GALNT18: variants seen among roughly 807,000 people sequenced by gnomAD.
GALNT18 encodes the protein GalNAc-transferase 18.
A neutral mutation model predicts 69.5 loss-of-function variants in GALNT18; 44 were observed. The ratio of observed to expected loss-of-function variants is 0.63; its 90% CI spans 0.50 to 0.81. The LOEUF is 0.81. Among genes scored for constraint, GALNT18 ranks in the 40% least tolerant of loss-of-function variants. GALNT18 has a pLI of 0.00. For synonymous variants in GALNT18, 364 were observed against 318.2 expected (o/e 1.14, Z -1.53); for missense variants, 715 against 810.0 (o/e 0.88, Z 1.42).
At chr11:11,361,295 C>T (rs1486686668) in intron 6 of GALNT18, among the ~76,000 whole-genome samples, 1 of 152,184 alleles carries the variant, frequency 6.6e-6, no homozygotes, top group Middle Eastern at 3.2e-3. Flanking sequence ...GGGTTCAAAT[C>T]GCATCTTTAC....
rs1328365070 is a variant in GALNT18 at position 11,421,332 on chromosome 11, G to A, written c.595+11289C>T. Reference sequence around the variant, plus strand: ...CCACAAAGAGGCGGGTGACTCAAGAGCTGATATACTTAGGCATCACTAAGG... The same window carrying A: ...CCACAAAGAGGCGGGTGACTCAAGAACTGATATACTTAGGCATCACTAAGG... On this transcript the variant is annotated intron_variant, in intron 3 of 10. Transcript: ENST00000227756. The surrounding 1 kb of genome is among the most constrained non-coding windows in gnomAD (Gnocchi z 5.6). 6.6e-6 allele frequency among the ~76,000 whole-genome samples: 1 copy of A among 152,156 alleles called. No homozygotes were observed. The highest frequency in any genetic ancestry group is 2.4e-5 in the African/African-American group (1 of 41,436).
chr11:11,499,268 C>T (rs1856927467), intron 1 of GALNT18, among the ~76,000 whole-genome samples: 1 of 152,238 alleles, frequency 6.6e-6, no homozygotes, highest in African/African-American at 2.4e-5. Context: ...TCAGTATTTC[C>T]ATCAGCTGGC....
chr11:11,608,148 C>T (rs191107141), intron 1 of GALNT18, among the ~76,000 whole-genome samples: 24 of 152,236 alleles, frequency 1.6e-4, no homozygotes, highest in Non-Finnish European at 2.5e-4. Flanking sequence ...GCTTGACTTA[C>T]GTGGGAAAGT....
rs372013357 is a variant in GALNT18 at position 11,430,009 on chromosome 11, A to C, written c.595+2612T>G. ...ACAAAACATTAGCCCGGCATGGTGG[A>C]TGCACCTGTCGTCCCAGCTACTCGG... is the stretch of plus-strand genomic sequence containing the variant. On this transcript the variant is annotated intron_variant, in intron 3 of 10. Transcript: ENST00000227756. The surrounding 1 kb of genome is among the most constrained non-coding windows in gnomAD (Gnocchi z 4.9). 5.9e-5 allele frequency among the ~76,000 whole-genome samples: 9 copies of C among 152,098 alleles called. No homozygotes were observed. The East Asian group carries it at 1.7e-3, about 30-fold the overall frequency.
At position 11,595,153 on chromosome 11, in the gene GALNT18, A is replaced by T. The variant is rs1196261050; in HGVS notation, c.235+26206T>A. On this transcript the variant is annotated intron_variant, in intron 1 of 10. Coordinates refer to ENST00000227756, the MANE Select transcript of GALNT18 (RefSeq NM_198516.3). The surrounding 1 kb of genome is among the most constrained non-coding windows in gnomAD (Gnocchi z 5.2). ...TGATGGTACCATTTTATATTTTGCT[A>T]TGATCTGAATGTTTATTTTGCCCCA... Among the ~76,000 whole-genome samples the T allele has an allele frequency of 2.6e-5, 4 of 152,022 alleles. No individual in the cohort carries two copies. Among genetic ancestry groups the T allele is most frequent in the African/African-American group, 7.3e-5 (3 of 41,374 alleles).
In GALNT18 at chr11:11,505,273, T is replaced by C. The variant is rs1288264418; in HGVS notation, c.236-56337A>G. 2.0e-5 allele frequency among the ~76,000 whole-genome samples: 3 copies of C among 152,226 alleles called. No homozygotes were observed. Among genetic ancestry groups the C allele is most frequent in the African/African-American group, 7.2e-5 (3 of 41,448 alleles). ...CTGCTATGATTAGTCATGGATTGGT[T>C]GTGAGATATTATGAATATCAACCTT... On this transcript the variant is annotated intron_variant, in intron 1 of 10. Coordinates refer to ENST00000227756, the MANE Select transcript of GALNT18 (RefSeq NM_198516.3). The surrounding 1 kb of genome is among the most constrained non-coding windows in gnomAD (Gnocchi z 4.6).
intron 1 of GALNT18, among the ~76,000 whole-genome samples, chr11:11,578,344 A>AAAAAAAAAAAAAAAC (rs1446256060): frequency 6.6e-6 from 1 of 151,588 alleles, no homozygotes; most frequent in African/African-American, 2.4e-5. Context: ...AAAAAAAAAA[A>AAAAAAAAAAAAAAAC]AAAACTCAAT....
chr11:11,427,320 C>CTGCCCTGTTCCTT (rs1291273102), intron 3 of GALNT18, among the ~76,000 whole-genome samples: 1 of 152,212 alleles, frequency 6.6e-6, no homozygotes. Flanking sequence ...CAGTGATTGA[C>CTGCCCTGTTCCTT]TGCCCTGTTC....
Position 11,444,718 on chromosome 11 carries a change from A to C in GALNT18, c.428+4026T>G, listed in dbSNP as rs1855608217. Among the ~76,000 whole-genome samples, 1 of 152,198 alleles carries C rather than the reference A, an allele frequency of 6.6e-6. No individual in the cohort carries two copies. The highest frequency in any genetic ancestry group is 6.5e-5 in the Admixed American group (1 of 15,280). ...AGAAAGGAGGGTGGGCAGGATTCTG[A>C]ACACTCACTTTCTGATCTAGGAATG... On this transcript the variant is annotated intron_variant, in intron 2 of 10. Transcript: ENST00000227756. This position sits in a 1 kb window ranked among gnomAD's most constrained non-coding sequence, Gnocchi z 4.4.
At chr11:11,392,958 C>A (rs1181759475) in intron 3 of GALNT18, among the ~76,000 whole-genome samples, 1 of 152,192 alleles carries the variant, frequency 6.6e-6, no homozygotes, top group Non-Finnish European at 1.5e-5. Flanking sequence ...CATCTTTCCT[C>A]CTAAAGGTCC....
At chr11:11,464,623 A>G (rs1306280658) in intron 1 of GALNT18, among the ~76,000 whole-genome samples, 2 of 152,216 alleles carry the variant, frequency 1.3e-5, no homozygotes, top group East Asian at 3.8e-4. Flanking sequence ...AAAGTCCATG[A>G]ATTTGGCATT....
rs550367088 is a variant in GALNT18, at chr11:11,582,452, G to C, written c.235+38907C>G. On this transcript the variant is annotated intron_variant, in intron 1 of 10. Transcript: ENST00000227756. This position sits in a 1 kb window ranked among gnomAD's most constrained non-coding sequence, Gnocchi z 5.0. ...CATCCCACAGTGACAATGAGTGACTGTCTCACTTGCTTGGACCACTGGAAT... is the reference window on the plus strand; with the variant it reads ...CATCCCACAGTGACAATGAGTGACTCTCTCACTTGCTTGGACCACTGGAAT... 1.3e-5 allele frequency among the ~76,000 whole-genome samples: 2 copies of C among 152,344 alleles called. No individual in the cohort carries two copies. Among genetic ancestry groups the C allele is most frequent in the Admixed American group, 1.3e-4 (2 of 15,304 alleles).
chr11:11,535,610 C>T (rs574754802), intron 1 of GALNT18, among the ~76,000 whole-genome samples: 6 of 152,254 alleles, frequency 3.9e-5, no homozygotes, highest in East Asian at 1.9e-4. Context: ...CCTGCCCTGT[C>T]CCCAGCCCAC....
Position 11,271,277 on chromosome 11 carries a change from T to A in GALNT18, c.1691A>T (p.Gln564Leu). 5 of 1,614,014 alleles carry A rather than the reference T, an allele frequency of 3.1e-6. No homozygotes were observed. The highest frequency in any genetic ancestry group is 4.2e-6 in the Non-Finnish European group (5 of 1,179,918). ...CAGACAGCGCTTAGACTTGCGGTTC[T>A]GGATGGGTCCTCCCTAGGGGCCAGG... is the stretch of plus-strand genomic sequence containing the variant. ...HWQFSQGGPI[Q>L]NRKSKRCLEL... Residue 564 changes from glutamine to leucine, a missense_variant, in exon 11 of 11, where the codon CAG becomes CTG. Physicochemically the swap from Gln to Leu is moderately radical, Grantham distance 113 (BLOSUM62 -2). Transcript: ENST00000227756.
chr11:11,377,387 G>A lies in GALNT18; in HGVS notation c.780-8C>T. The A allele has an allele frequency of 3.1e-6, 5 of 1,613,364 alleles. No homozygotes were observed. The highest frequency in any genetic ancestry group is 4.2e-6 in the Non-Finnish European group (5 of 1,179,826). Reference sequence around the variant, plus strand: ...GTGAGTACAGGTTCAGCCCTGGGCAGAGAGGAGACAGCCAGAGAGGGTAAC... The same window carrying A: ...GTGAGTACAGGTTCAGCCCTGGGCAAAGAGGAGACAGCCAGAGAGGGTAAC... On this transcript the variant is annotated splice_region_variant and splice_polypyrimidine_tract_variant and intron_variant, in intron 4 of 10. Coordinates refer to ENST00000227756, the MANE Select transcript of GALNT18 (RefSeq NM_198516.3). This position sits in a 1 kb window ranked among gnomAD's most constrained non-coding sequence, Gnocchi z 4.6.
chr11:11,337,285 G>A lies in GALNT18; in HGVS notation c.1278+3534C>T, dbSNP rs1455665067. Among the ~76,000 whole-genome samples, 1 of 152,156 alleles carries A rather than the reference G, an allele frequency of 6.6e-6. No homozygotes were observed. Among genetic ancestry groups the A allele is most frequent in the Admixed American group, 6.5e-5 (1 of 15,278 alleles). ...TCACTCATTAATAAGCGTTAGCAAG[G>A]CGTCACCAAGCTCTTACCATGCGCC... On this transcript the variant is annotated intron_variant, in intron 7 of 10. Coordinates refer to ENST00000227756, the MANE Select transcript of GALNT18 (RefSeq NM_198516.3). This position sits in a 1 kb window ranked among gnomAD's most constrained non-coding sequence, Gnocchi z 4.9.
intron 1 of GALNT18, among the ~76,000 whole-genome samples, chr11:11,467,797 G>GT (rs1856183585): frequency 6.6e-6 from 1 of 152,154 alleles, no homozygotes; most frequent in Admixed American, 6.5e-5. Context: ...TCCTTTCATT[G>GT]TTTTCTCAAC....
intron 3 of GALNT18, among the ~76,000 whole-genome samples, chr11:11,388,850 C>T (rs2133710463): frequency 6.6e-6 from 1 of 152,366 alleles, no homozygotes; most frequent in Admixed American, 6.5e-5. Flanking sequence ...CGTTACCACC[C>T]TGCAAACAAT....
intron 10 of GALNT18, among the ~76,000 whole-genome samples, chr11:11,273,861 C>G (rs1472527454): frequency 6.6e-6 from 1 of 151,932 alleles, no homozygotes; most frequent in Non-Finnish European, 1.5e-5. Flanking sequence ...AATATTTAAC[C>G]ATTAAAATAA....
Sources: gnomAD v4.1 joint callset for allele counts (sites outside exome capture counted in the v4.1 genomes callset) on GRCh38, gnomAD v4.1.1 for gene constraint, Gnocchi (gnomAD v3.1) non-coding constraint, MANE v1.5 for transcripts, NCBI Gene and HGNC (gene_info 2026-07-23, HGNC 2026-07-21) for gene names.